Variants in CFAP299 observed in about 807,000 individuals in gnomAD.
CFAP299 encodes cilia and flagella associated protein 299, also known as cilia- and flagella-associated protein 299.
A neutral mutation model predicts 27.0 loss-of-function variants in CFAP299; 21 were observed. That is an observed-to-expected ratio of 0.78 (90% CI 0.55 to 1.12). The LOEUF (loss-of-function observed/expected upper bound fraction) is 1.12, where lower values mean the gene tolerates loss of function less well. Among genes scored for constraint, CFAP299 ranks in the 50% most tolerant of loss-of-function variants. CFAP299 has a pLI of 0.00. For synonymous variants in CFAP299, 104 were observed against 98.1 expected (o/e 1.06, Z -0.36); for missense variants, 310 against 276.6 (o/e 1.12, Z -0.86).
chr4:80,437,380 A>G (rs1024825186), intron 2 of CFAP299, among the ~76,000 whole-genome samples: 2 of 152,198 alleles, frequency 1.3e-5, no homozygotes, highest in African/African-American at 4.8e-5. Flanking sequence ...CAGGAGACCA[A>G]GACTCCTGAG....
In CFAP299 at chr4:80,786,303, C is replaced by T. The variant is rs553574358; in HGVS notation, c.334-83690C>T. On this transcript the variant is annotated intron_variant, in intron 3 of 5. Coordinates refer to ENST00000358105, the MANE Select transcript of CFAP299 (RefSeq NM_152770.3). Reference sequence around the variant, plus strand: ...GGAGGTAGAAGGGAGACATTAAAACCAATGAAAACACAGCTGACCAAATTA... The same window carrying T: ...GGAGGTAGAAGGGAGACATTAAAACTAATGAAAACACAGCTGACCAAATTA... Among the ~76,000 whole-genome samples the T allele has an allele frequency of 1.1e-4, 16 of 152,016 alleles. No homozygotes were observed. The South Asian group carries it at 3.3e-3, about 32-fold the overall frequency.
intron 3 of CFAP299, among the ~76,000 whole-genome samples, chr4:80,849,170 T>A (rs1368504605): frequency 3.9e-5 from 6 of 152,132 alleles, no homozygotes; most frequent in African/African-American, 1.2e-4. Context: ...TTTTCTTTTT[T>A]AAAATTTTTT....
intron 2 of CFAP299, chr4:80,386,908 C>T: frequency 1.2e-6 from 1 of 842,720 alleles, no homozygotes; most frequent in East Asian, 2.4e-5. Context: ...TAGGGCTTCT[C>T]GCCTGAGTGG....
chr4:80,553,568 T>C (rs115343125), intron 2 of CFAP299, among the ~76,000 whole-genome samples: 191 of 152,330 alleles, frequency 1.3e-3, no homozygotes, highest in African/African-American at 4.3e-3. Context: ...TTTCAGCTTT[T>C]TGAGGAATCA....
intron 3 of CFAP299, among the ~76,000 whole-genome samples, chr4:80,703,815 A>G (rs904783398): frequency 2.0e-5 from 3 of 151,570 alleles, no homozygotes; most frequent in African/African-American, 7.3e-5. Flanking sequence ...TTCTATTTCT[A>G]TGTCTTAGCT....
At chr4:80,722,097 T>G (rs1387651036) in intron 3 of CFAP299, among the ~76,000 whole-genome samples, 2 of 152,152 alleles carry the variant, frequency 1.3e-5, no homozygotes, top group Non-Finnish European at 2.9e-5. Flanking sequence ...ATGTCCTGTT[T>G]AAAGCAAAAA....
chr4:80,850,024 TTAAA>T (rs1238723346), intron 3 of CFAP299, among the ~76,000 whole-genome samples: 2 of 151,992 alleles, frequency 1.3e-5, no homozygotes, highest in African/African-American at 2.4e-5. Context: ...ATTTTAAAGC[TTAAA>T]TAAACTGAGG....
At chr4:80,390,823 G>GTATATATGTATACACACA (rs1210239434) in intron 2 of CFAP299, among the ~76,000 whole-genome samples, 1 of 99,144 alleles carries the variant, frequency 1.0e-5, no homozygotes, top group Non-Finnish European at 2.0e-5. Context: ...ACACATATAT[G>GTATATATGTATACACACA]TATATGTATA....
the CFAP299 span, among the ~76,000 whole-genome samples, chr4:80,323,320 T>C: frequency 6.6e-6 from 1 of 152,206 alleles, no homozygotes; most frequent in Non-Finnish European, 1.5e-5. Flanking sequence ...GCAGTTCATT[T>C]CTCACAGTTA....
chr4:80,532,488 T>C (rs1042919897), intron 2 of CFAP299, among the ~76,000 whole-genome samples: 2 of 152,224 alleles, frequency 1.3e-5, no homozygotes, highest in Non-Finnish European at 2.9e-5. Flanking sequence ...TAGTGTGAAG[T>C]AGAGTTAGGA....
intron 2 of CFAP299, among the ~76,000 whole-genome samples, chr4:80,558,448 G>A (rs749816205): frequency 1.1e-4 from 16 of 145,478 alleles, no homozygotes; most frequent in Admixed American, 4.2e-4. Flanking sequence ...AATTCTAAAT[G>A]GCTGGTGTGC....
intron 1 of CFAP299, among the ~76,000 whole-genome samples, chr4:80,340,433 C>T (rs993150439): frequency 6.6e-6 from 1 of 152,196 alleles, no homozygotes; most frequent in Non-Finnish European, 1.5e-5. Flanking sequence ...GTTTTTCAGT[C>T]TCCAGCCTTG....
chr4:80,387,678 C>T (rs1725091087), intron 2 of CFAP299: 1 of 1,569,928 alleles, frequency 6.4e-7, no homozygotes, highest in South Asian at 1.1e-5. Flanking sequence ...CATTAGACTT[C>T]TGGGCAAAGG....
At chr4:80,487,447 T>C (rs1730877071) in intron 2 of CFAP299, among the ~76,000 whole-genome samples, 1 of 152,222 alleles carries the variant, frequency 6.6e-6, no homozygotes, top group African/African-American at 2.4e-5. Context: ...CCATAGTTTT[T>C]GTTAGACTCT....
chr4:80,866,628 A>T (rs1482297641), intron 3 of CFAP299, among the ~76,000 whole-genome samples: 1 of 152,130 alleles, frequency 6.6e-6, no homozygotes, highest in Non-Finnish European at 1.5e-5. Context: ...CATTGAGAGT[A>T]GTTTGAGTGA....
At chr4:80,327,750 T>TATAACTTCAATACATATA in the CFAP299 span, among the ~76,000 whole-genome samples, 13 of 144,594 alleles carry the variant, frequency 9.0e-5, no homozygotes, top group South Asian at 2.2e-4. Context: ...TATATATATG[T>TATAACTTCAATACATATA]TGAGAAAGCT....
intron 3 of CFAP299, among the ~76,000 whole-genome samples, chr4:80,689,316 G>A (rs1353774838): frequency 2.0e-5 from 3 of 152,142 alleles, no homozygotes; most frequent in East Asian, 1.9e-4. Context: ...CCCTCAAAGG[G>A]AAGCCCATCA....
At chr4:80,789,816 C>T (rs925018580) in intron 3 of CFAP299, among the ~76,000 whole-genome samples, 24 of 152,078 alleles carry the variant, frequency 1.6e-4, no homozygotes, top group African/African-American at 5.1e-4. Context: ...TATTAATCTG[C>T]TCAGATATTT....
intron 2 of CFAP299, among the ~76,000 whole-genome samples, chr4:80,465,388 A>G (rs1411619842): frequency 6.6e-6 from 1 of 152,198 alleles, no homozygotes; most frequent in Non-Finnish European, 1.5e-5. Context: ...GAGCCCTGGA[A>G]TGCCAGAGAA....
Sources: allele counts gnomAD v4.1 joint callset (sites outside exome capture counted in the v4.1 genomes callset), GRCh38; gene constraint gnomAD v4.1.1; transcripts MANE v1.5; gene names NCBI Gene and HGNC (gene_info 2026-07-23, HGNC 2026-07-21).